PAK3: variants seen among roughly 807,000 people sequenced by gnomAD.
PAK3 encodes p21 (RAC1) activated kinase 3.
Under a neutral mutation model 41.0 loss-of-function variants are expected in PAK3, and 4 were observed. The ratio of observed to expected loss-of-function variants is 0.10; its 90% confidence interval spans 0.05 to 0.22. PAK3 has a LOEUF of 0.22. Among genes scored for constraint, PAK3 ranks in the 10% least tolerant of loss-of-function variants. The pLI is 1.00. For missense variants in PAK3, 205 were observed against 409.9 expected (o/e 0.50, Z 4.32); for synonymous variants, 146 against 139.6 (o/e 1.05, Z -0.32).
At chrX:110,989,317 C>T (rs1422626987) in intron 1 of PAK3, among the ~76,000 whole-genome samples, 2 of 112,177 alleles carry the variant, frequency 1.8e-5, no homozygotes, top group Non-Finnish European at 3.8e-5. Flanking sequence ...TATCATACAA[C>T]TTAACATAGT....
intron 1 of PAK3, among the ~76,000 whole-genome samples, chrX:111,078,377 C>T (rs1167990566): frequency 1.8e-5 from 2 of 110,270 alleles, no homozygotes; most frequent in Non-Finnish European, 3.8e-5. Context: ...CTGTGTCACA[C>T]ATTGGTAATT....
intron 1 of PAK3, among the ~76,000 whole-genome samples, chrX:111,090,617 G>A (rs2092922702): frequency 9.0e-6 from 1 of 111,498 alleles, no homozygotes; most frequent in Non-Finnish European, 1.9e-5. Flanking sequence ...ACACTGCCCA[G>A]GTTGTCACGA....
chrX:111,158,111 A>C (rs918955558), intron 8 of PAK3, among the ~76,000 whole-genome samples: 5 of 111,737 alleles, frequency 4.5e-5, no homozygotes, highest in Non-Finnish European at 7.5e-5. Flanking sequence ...TCAGGAGGGA[A>C]TATTTATAGG....
At chrX:111,216,853 A>C in intron 17 of PAK3, 1 of 633,789 alleles carries the variant, frequency 1.6e-6, no homozygotes, top group African/African-American at 2.4e-5. Flanking sequence ...TTTTGTTCTA[A>C]ACTTTACTTG....
At chrX:110,967,149 T>G (rs1406440540) in intron 1 of PAK3, among the ~76,000 whole-genome samples, 1 of 112,621 alleles carries the variant, frequency 8.9e-6, no homozygotes, top group Non-Finnish European at 1.9e-5. Context: ...CATGTGTCCC[T>G]GACTACAGTT....
At chrX:111,084,071 A>G (rs755847866) in intron 1 of PAK3, among the ~76,000 whole-genome samples, 1 of 113,047 alleles carries the variant, frequency 8.8e-6, no homozygotes, top group African/African-American at 3.2e-5. Context: ...CATCCTGATT[A>G]ATCATACATT....
intron 1 of PAK3, among the ~76,000 whole-genome samples, chrX:110,986,715 C>T (rs1336714726): frequency 9.1e-6 from 1 of 109,624 alleles, no homozygotes. Context: ...AGACTGAGGC[C>T]AAAAGAAAGG....
intron 11 of PAK3, 127 bp from the exon 12 acceptor site, chrX:111,192,000 C>T: frequency 2.0e-5 from 9 of 446,943 alleles, no homozygotes; most frequent in East Asian, 4.3e-5. Context: ...AAGGTTGTTC[C>T]TTTTCTTACC....
intron 8 of PAK3, among the ~76,000 whole-genome samples, chrX:111,155,243 G>C (rs1285773718): frequency 9.0e-6 from 1 of 110,810 alleles, no homozygotes; most frequent in East Asian, 2.8e-4. Flanking sequence ...GTTCATGCCT[G>C]TAATCCCAGC....
At chrX:111,208,953 G>A (rs1268278832) in intron 16 of PAK3, among the ~76,000 whole-genome samples, 1 of 110,522 alleles carries the variant, frequency 9.0e-6, no homozygotes, top group Non-Finnish European at 1.9e-5. Flanking sequence ...GTGTGTGTGT[G>A]TGTGTACTAG....
chrX:111,029,437 A>C (rs186901518), intron 1 of PAK3, among the ~76,000 whole-genome samples: 111 of 112,055 alleles, frequency 9.9e-4, no homozygotes, highest in African/African-American at 3.2e-3. Flanking sequence ...TACTGAGAAC[A>C]TAAACAGTCA....
At position 110,986,945 on chromosome X, in the gene PAK3, A is replaced by T. The variant is rs767181309; in HGVS notation, c.-28+42317A>T. 9.1e-4 allele frequency among the ~76,000 whole-genome samples: 102 copies of T among 112,359 alleles called. 1 individual carries two copies. The highest frequency in any genetic ancestry group is 1.7e-3 in the Non-Finnish European group (91 of 53,317). ...TAATTTGTCACATAAACATATACAC[A>T]CTACAAACACCACTGTCTGTGGCAG... On this transcript the variant is annotated intron_variant, in intron 1 of 14. Coordinates refer to the PAK3 transcript ENST00000425146.
intron 1 of PAK3, among the ~76,000 whole-genome samples, chrX:111,046,949 G>A (rs1303478875): frequency 1.8e-5 from 2 of 111,619 alleles, no homozygotes; most frequent in South Asian, 3.8e-4. Context: ...TAACCCTGCC[G>A]TAGAACACAC....
intron 16 of PAK3, among the ~76,000 whole-genome samples, chrX:111,215,285 G>A (rs999902196): frequency 5.4e-5 from 6 of 111,676 alleles, no homozygotes; most frequent in Admixed American, 9.5e-5. Flanking sequence ...TCAGCTGGGC[G>A]CAGTGGCTCA....
chrX:110,981,049 C>G (rs1018805563), intron 1 of PAK3, among the ~76,000 whole-genome samples: 2 of 111,585 alleles, frequency 1.8e-5, no homozygotes, highest in South Asian at 7.7e-4. Flanking sequence ...CTGTGGCTAG[C>G]CTCCAGGGAG....
chrX:110,964,780 G>A (rs943968325), intron 1 of PAK3, among the ~76,000 whole-genome samples: 5 of 112,320 alleles, frequency 4.5e-5, no homozygotes, highest in African/African-American at 1.6e-4. Flanking sequence ...TGCCCACAAT[G>A]AGGGTGGCCC....
chrX:111,161,544 G>A (rs2094188758), intron 8 of PAK3, among the ~76,000 whole-genome samples: 1 of 110,888 alleles, frequency 9.0e-6, no homozygotes, highest in African/African-American at 3.3e-5. Flanking sequence ...CCTTGCCCAT[G>A]CCTATGTCCT....
intron 1 of PAK3, among the ~76,000 whole-genome samples, chrX:110,996,263 T>C (rs2091737757): frequency 1.8e-5 from 2 of 112,050 alleles, no homozygotes; most frequent in African/African-American, 6.5e-5. Context: ...ATTATTTTGC[T>C]TATTTTAGCA....
intron 1 of PAK3, among the ~76,000 whole-genome samples, chrX:110,967,996 T>C (rs1264346705): frequency 8.9e-6 from 1 of 112,313 alleles, no homozygotes; most frequent in Non-Finnish European, 1.9e-5. Context: ...CCCTCCAACA[T>C]TCCTTACCCT....
Sources: gnomAD v4.1 joint callset for allele counts (sites outside exome capture counted in the v4.1 genomes callset) on GRCh38, gnomAD v4.1.1 for gene constraint, MANE v1.5 for transcripts, NCBI Gene and HGNC (gene_info 2026-07-23, HGNC 2026-07-21) for gene names.